LDLRAD3: variants seen among roughly 807,000 people sequenced by gnomAD.
The protein encoded by LDLRAD3 is low-density lipoprotein receptor class A domain-containing protein 3.
In LDLRAD3, 20 loss-of-function variants were observed where a neutral mutation model predicts 29.4. The ratio of observed to expected loss-of-function variants is 0.68; its 90% CI spans 0.48 to 0.99. The LOEUF (loss-of-function observed/expected upper bound fraction) is 0.99, where lower values mean the gene tolerates loss of function less well. Among genes scored for constraint, LDLRAD3 ranks in the 50% least tolerant of loss-of-function variants. The probability of loss-of-function intolerance (pLI) is 0.00; values close to 1 mark genes in which losing one functional copy is unlikely to be tolerated. For synonymous variants in LDLRAD3, 157 were observed against 192.7 expected, an observed-to-expected ratio of 0.81 and a Z score of 1.53; for missense variants, 420 against 454.3, an observed-to-expected ratio of 0.92 and a Z score of 0.69.
At chr11:36,204,490 C>T (rs1322927710) in intron 4 of LDLRAD3, among the ~76,000 whole-genome samples, 1 of 111,094 alleles carries the variant, frequency 9.0e-6, no homozygotes, top group African/African-American at 3.3e-5. Context: ...TGGAGTTTCT[C>T]TCTCTTTCTT....
chr11:36,015,614 A>G (rs1852012623), intron 1 of LDLRAD3, among the ~76,000 whole-genome samples: 1 of 151,912 alleles, frequency 6.6e-6, no homozygotes, highest in South Asian at 2.1e-4. Flanking sequence ...GAAGTACAGC[A>G]TTGCCAACCC....
Position 36,229,631 on chromosome 11 carries a change from G to C in LDLRAD3, c.*234G>C. 28 of 421,258 alleles carry C rather than the reference G, an allele frequency of 6.6e-5. No homozygotes were observed. The highest frequency in any genetic ancestry group is 5.4e-4 in the South Asian group (7 of 12,980). 26.1% of individuals were successfully genotyped at this position (421,258 alleles called of 1,614,324 possible). On this transcript the variant is annotated 3_prime_UTR_variant, in exon 6 of 6. Transcript: ENST00000315571. ...TTCTGTCAGGTCACTCTTCCCTTGG[G>C]ACCCGAGATCACACCCTCATTTTTC...
chr11:36,219,254 G>A (rs565888422), intron 4 of LDLRAD3, among the ~76,000 whole-genome samples: 1 of 152,188 alleles, frequency 6.6e-6, no homozygotes, highest in Non-Finnish European at 1.5e-5. Context: ...ATCCTAATAG[G>A]TTTAGGGGAG....
intron 4 of LDLRAD3, among the ~76,000 whole-genome samples, chr11:36,202,125 A>G (rs1352340815): frequency 6.6e-6 from 1 of 150,458 alleles, no homozygotes; most frequent in Non-Finnish European, 1.5e-5. Flanking sequence ...GCCCACTGCA[A>G]CCTCCACCTC....
chr11:36,171,902 T>C (rs1422238271), intron 4 of LDLRAD3, among the ~76,000 whole-genome samples: 1 of 152,194 alleles, frequency 6.6e-6, no homozygotes, highest in East Asian at 1.9e-4. Flanking sequence ...AATTTGGAGA[T>C]TGCTTTTGCA....
intron 1 of LDLRAD3, among the ~76,000 whole-genome samples, chr11:35,984,934 CTTTT>C (rs1285306835): frequency 4.7e-5 from 6 of 127,974 alleles, no homozygotes; most frequent in East Asian, 2.3e-4. Flanking sequence ...CCTGCCTGTT[CTTTT>C]TTTTTTTTTT....
intron 2 of LDLRAD3, among the ~76,000 whole-genome samples, chr11:36,067,249 G>A (rs1426968816): frequency 6.6e-6 from 1 of 152,026 alleles, no homozygotes; most frequent in Admixed American, 6.5e-5. Flanking sequence ...ATCCACTGCT[G>A]GGCAGAAAGT....
At chr11:36,034,237 T>C (rs1412470056) in intron 1 of LDLRAD3, among the ~76,000 whole-genome samples, 2 of 152,230 alleles carry the variant, frequency 1.3e-5, no homozygotes, top group East Asian at 3.9e-4. Context: ...ATTTGGTGTT[T>C]AGACAGATCC....
intron 4 of LDLRAD3, among the ~76,000 whole-genome samples, chr11:36,191,768 CTT>C (rs141078272): frequency 1.7e-3 from 260 of 151,796 alleles, no homozygotes; most frequent in African/African-American, 6.0e-3. Flanking sequence ...GAGGGGGAAA[CTT>C]TTGTTTTCCC....
At chr11:36,007,697 A>G (rs1461038907) in intron 1 of LDLRAD3, among the ~76,000 whole-genome samples, 1 of 152,190 alleles carries the variant, frequency 6.6e-6, no homozygotes, top group Non-Finnish European at 1.5e-5. Context: ...AGCCCTAATA[A>G]TCAGCTCTGG....
intron 2 of LDLRAD3, among the ~76,000 whole-genome samples, chr11:36,044,114 T>C (rs753377597): frequency 4.6e-5 from 7 of 152,178 alleles, no homozygotes; most frequent in Non-Finnish European, 7.4e-5. Flanking sequence ...GCCCAGACAG[T>C]ACTGAGTTCT....
chr11:36,145,706 C>G (rs1321995636), intron 4 of LDLRAD3, among the ~76,000 whole-genome samples: 1 of 147,354 alleles, frequency 6.8e-6, no homozygotes, highest in Non-Finnish European at 1.5e-5. Flanking sequence ...GTGACCTTAC[C>G]CCCAACCCTG....
chr11:36,038,360 A>G (rs1471605631), intron 2 of LDLRAD3, among the ~76,000 whole-genome samples: 5 of 152,220 alleles, frequency 3.3e-5, no homozygotes. Context: ...AGGATTTATT[A>G]AACACTGTAC....
At chr11:36,076,544 C>T (rs1017472755) in intron 2 of LDLRAD3, among the ~76,000 whole-genome samples, 6 of 152,168 alleles carry the variant, frequency 3.9e-5, no homozygotes, top group Non-Finnish European at 4.4e-5. Flanking sequence ...CGCCACCACG[C>T]CCGGCTAATT....
At chr11:36,202,876 A>C (rs544765629) in intron 4 of LDLRAD3, among the ~76,000 whole-genome samples, 1 of 152,300 alleles carries the variant, frequency 6.6e-6, no homozygotes, top group East Asian at 1.9e-4. Context: ...AGCAGCTGCA[A>C]ATATTTAATG....
intron 4 of LDLRAD3, among the ~76,000 whole-genome samples, chr11:36,181,739 C>G (rs1342357363): frequency 6.6e-6 from 1 of 152,186 alleles, no homozygotes; most frequent in Admixed American, 6.5e-5. Flanking sequence ...CCTGAGAAGG[C>G]AGCCCAACAT....
intron 4 of LDLRAD3, among the ~76,000 whole-genome samples, chr11:36,190,262 A>G (rs1050497186): frequency 5.9e-5 from 9 of 152,224 alleles, no homozygotes; most frequent in Non-Finnish European, 1.3e-4. Flanking sequence ...TTTAACTTGA[A>G]AAAGTTGGGA....
chr11:35,973,082 A>G (rs1028686932), intron 1 of LDLRAD3, among the ~76,000 whole-genome samples: 1 of 150,448 alleles, frequency 6.6e-6, no homozygotes, highest in African/African-American at 2.4e-5. Flanking sequence ...AAGGGAGCAC[A>G]TAATGAAAGC....
chr11:36,170,146 C>T (rs1854573668), intron 4 of LDLRAD3, among the ~76,000 whole-genome samples: 1 of 151,888 alleles, frequency 6.6e-6, no homozygotes, highest in South Asian at 2.1e-4. Context: ...TGAGTTACTT[C>T]ACTTAAAATA....
Sources: gnomAD v4.1 joint callset for allele counts (sites outside exome capture counted in the v4.1 genomes callset) on GRCh38, gnomAD v4.1.1 for gene constraint, MANE v1.5 for transcripts, NCBI Gene and HGNC (gene_info 2026-07-23, HGNC 2026-07-21) for gene names.